Variants in TAF1 observed in about 807,000 individuals in gnomAD.
TAF1 encodes the protein TATA-box binding protein associated factor 1.
A neutral mutation model predicts 138.5 loss-of-function variants in TAF1; 2 were observed. The observed-to-expected ratio is 0.01, with a 90% CI of 0.01 to 0.05. The LOEUF (loss-of-function observed/expected upper bound fraction) is 0.05, where lower values mean the gene tolerates loss of function less well. Among genes scored for constraint, TAF1 ranks in the 10% least tolerant of loss-of-function variants. The pLI, the probability that TAF1 is intolerant of heterozygous loss-of-function variation, is 1.00. For missense variants in TAF1, 709 were observed against 1,478.0 expected, an observed-to-expected ratio of 0.48 and a Z score of 8.53; for synonymous variants, 437 against 503.2, an observed-to-expected ratio of 0.87 and a Z score of 1.76.
At chrX:71,381,121 A>G (rs1054177045) in intron 8 of TAF1, among the ~76,000 whole-genome samples, 5 of 112,722 alleles carry the variant, frequency 4.4e-5, no homozygotes, top group Admixed American at 9.4e-5. Context: ...TGTTAATACA[A>G]TTTATTACCA....
chrX:71,468,238 CAG>C (rs781386336), downstream of TAF1, among the ~76,000 whole-genome samples: 33 of 109,029 alleles, frequency 3.0e-4, no homozygotes, highest in African/African-American at 1.0e-3. Flanking sequence ...GCCTGGGCAA[CAG>C]AGACCCTGTC....
At position 71,519,868 on chromosome X, in the gene TAF1, C is replaced by T. The variant is rs1401224011; in HGVS notation, c.1367-8674C>T. ...TCACCCAGGCCGGAGTGCAGTGGCTCGATCTAGGCTCACTACAGCCTCTAC... is the reference window on the plus strand; with the variant it reads ...TCACCCAGGCCGGAGTGCAGTGGCTTGATCTAGGCTCACTACAGCCTCTAC... On this transcript the variant is annotated intron_variant and NMD_transcript_variant, in intron 13 of 14. Coordinates refer to the TAF1 transcript ENST00000373775. Among the ~76,000 whole-genome samples the T allele has an allele frequency of 1.0e-4, 11 of 107,725 alleles. No homozygotes were observed. In the Admixed American group the frequency reaches 1.1e-3, roughly 11 times the overall value. 93.5% of individuals were successfully genotyped at this position (107,725 alleles called of 115,157 possible).
chrX:71,383,469 C>T (rs377443384), intron 12 of TAF1, among the ~76,000 whole-genome samples: 349 of 112,269 alleles, frequency 3.1e-3, no homozygotes, highest in Non-Finnish European at 5.3e-3. Flanking sequence ...ATAGTACAGT[C>T]GTCCTTCGTT....
intron 13 of TAF1, among the ~76,000 whole-genome samples, chrX:71,486,410 G>C (rs1375071816): frequency 9.1e-6 from 1 of 109,866 alleles, no homozygotes. Context: ...CCACGCTGGG[G>C]TGCAGTGGCC....
intron 13 of TAF1, among the ~76,000 whole-genome samples, chrX:71,499,698 G>A (rs2039461749): frequency 9.0e-6 from 1 of 111,536 alleles, no homozygotes; most frequent in Admixed American, 9.5e-5. Context: ...CCATACTGGG[G>A]ACGGCTTGCT....
At chrX:71,477,208 G>A (rs1408265556) in intron 13 of TAF1, among the ~76,000 whole-genome samples, 1 of 110,730 alleles carries the variant, frequency 9.0e-6, no homozygotes, top group African/African-American at 3.3e-5. Context: ...CAAAGTGCTG[G>A]GATTACAGGC....
chrX:71,465,976 T>C lies in TAF1; in HGVS notation c.*1930T>C, dbSNP rs749516979. 6 of 112,363 alleles carry C rather than the reference T, an allele frequency of 5.3e-5. No homozygotes were observed. Among genetic ancestry groups the C allele is most frequent in the Non-Finnish European group, 1.1e-4 (6 of 53,336 alleles). 9.3% of individuals were successfully genotyped at this position (112,363 alleles called of 1,213,427 possible). On this transcript the variant is annotated 3_prime_UTR_variant, in exon 38 of 38. Transcript: ENST00000423759. ...TTGAATTTTTTTACAGTATGTATTA[T>C]TTTTGTAATAAAAATTTTAAAAAAT...
downstream of TAF1, chrX:71,466,491 C>G (rs1212296203): frequency 8.9e-6 from 1 of 112,021 alleles, no homozygotes; most frequent in Non-Finnish European, 1.9e-5. Context: ...GATTCTTGTG[C>G]CTCAGCCTCC....
In TAF1 at chrX:71,421,423, G is replaced by A. The variant is rs376791946; in HGVS notation, c.4452+47G>A. On this transcript the variant is annotated intron_variant, in intron 29 of 37. Coordinates refer to ENST00000423759, the MANE Select transcript of TAF1 (RefSeq NM_004606.5). ...AAAGGCAGTGGAATTTGAAGGTGGGGGTGGGATATCAGGGTTTAGGAAGTA... is the reference window on the plus strand; with the variant it reads ...AAAGGCAGTGGAATTTGAAGGTGGGAGTGGGATATCAGGGTTTAGGAAGTA... The A allele has an allele frequency of 6.9e-5, 65 of 946,116 alleles. No homozygotes were observed. The African/African-American group carries it at 9.2e-4, about 13-fold the overall frequency. The allele number at this position is 946,116 out of a possible 1,213,427, so 78.0% of individuals were successfully genotyped here. A position where few individuals can be genotyped will look rare whatever the true frequency, so the allele number is the denominator to read the frequency against.
chrX:71,370,261 G>T (rs962102970), intron 3 of TAF1, among the ~76,000 whole-genome samples: 2 of 111,197 alleles, frequency 1.8e-5, no homozygotes, highest in Non-Finnish European at 3.8e-5. Context: ...ATCTTGAGAA[G>T]TTCAATTTAG....
At chrX:71,371,110 G>C (rs1030529886) in intron 3 of TAF1, among the ~76,000 whole-genome samples, 1 of 111,732 alleles carries the variant, frequency 8.9e-6, no homozygotes, top group Non-Finnish European at 1.9e-5. Flanking sequence ...TTGTTGTCTT[G>C]ACTAGGGATG....
intron 4 of TAF1, among the ~76,000 whole-genome samples, chrX:71,376,554 C>A (rs970436763): frequency 9.1e-6 from 1 of 109,391 alleles, no homozygotes; most frequent in Non-Finnish European, 1.9e-5. Flanking sequence ...GTAATCCCAG[C>A]TACTCAGGAG....
chrX:71,412,232 C>G (rs2035836591), intron 28 of TAF1, among the ~76,000 whole-genome samples: 1 of 108,784 alleles, frequency 9.2e-6, no homozygotes, highest in African/African-American at 3.4e-5. Context: ...TCAAGGAATC[C>G]TCCCGTCTTA....
At chrX:71,394,948 C>G (rs1049209680) in intron 22 of TAF1, among the ~76,000 whole-genome samples, 2 of 112,677 alleles carry the variant, frequency 1.8e-5, no homozygotes, top group Non-Finnish European at 3.7e-5. Flanking sequence ...CCGCCTGCCT[C>G]AGCCTCCCAA....
intron 3 of TAF1, among the ~76,000 whole-genome samples, chrX:71,374,726 C>T (rs912582206): frequency 1.8e-5 from 2 of 111,386 alleles, no homozygotes; most frequent in Admixed American, 9.6e-5. Context: ...GGATTACAGG[C>T]GTGAGCCATC....
chrX:71,463,917 AGAT>A lies in TAF1; in HGVS notation c.5496_5498del (p.Asp1832del). On this transcript the variant is annotated inframe_deletion, in exon 38 of 38. Coordinates refer to ENST00000423759, the MANE Select transcript of TAF1 (RefSeq NM_004606.5). ...GGTATGAGGTATCAGAGGAGGAAGA[AGAT>A]GAGGAGGAGGAAGAGCAGCGCTCTG... The A allele has an allele frequency of 1.7e-6, 2 of 1,209,579 alleles. No homozygotes were observed. The highest frequency in any genetic ancestry group is 1.7e-5 in the African/African-American group (1 of 57,929).
rs1434358913 is a variant in TAF1 at position 71,388,842 on chromosome X, A to G, written c.2674A>G (p.Met892Val). ...AGAGCAGTGCTGTGCTTATTATAGC[A>G]TGATAGCTGCAGAGCAACGACTGAA... ...SPEQCCAYYS[M>V]IAAEQRLKDA... The change falls in exon 17 of 38, where the codon ATG becomes GTG. Residue 892 changes from methionine to valine, a missense_variant. Around this residue, in one of 14 missense-constraint regions of TAF1, gnomAD observed 23 missense variants for 24.4 expected, o/e 0.94. Transcript: ENST00000423759. The G allele has an allele frequency of 8.3e-7, 1 of 1,208,929 alleles. No homozygotes were observed. The highest frequency in any genetic ancestry group is 1.8e-5 in the African/African-American group (1 of 57,135).
intron 29 of TAF1, 102 bp downstream of exon 29, chrX:71,421,478 G>C (rs1182319107): frequency 1.5e-6 from 1 of 667,298 alleles, no homozygotes; most frequent in Non-Finnish European, 2.3e-6. Context: ...AAATATATGC[G>C]GGAGTAGCAG....
chrX:71,508,092 A>C (rs1023019), intron 13 of TAF1, among the ~76,000 whole-genome samples: 15,449 of 86,291 alleles, frequency 0.18, 1,275 homozygotes, highest in Admixed American at 0.32. Flanking sequence ...CTCTCTATAT[A>C]TATATATATA....
Sources: gnomAD v4.1 joint callset for allele counts (sites outside exome capture counted in the v4.1 genomes callset) on GRCh38, gnomAD v4.1.1 for gene constraint, gnomAD v4.1.1 regional missense constraint, MANE v1.5 for transcripts, NCBI Gene and HGNC (gene_info 2026-07-23, HGNC 2026-07-21) for gene names.